The following RASGRP1 variants were observed in gnomAD, a reference collection of about 807,000 sequenced individuals.
RASGRP1 encodes RAS guanyl-releasing protein 1.
A neutral mutation model predicts 95.1 loss-of-function variants in RASGRP1; 37 were observed. The observed-to-expected ratio is 0.39, with a 90% CI of 0.30 to 0.51. The LOEUF (loss-of-function observed/expected upper bound fraction) is 0.51. Ranked by LOEUF, RASGRP1 falls within the 20% of genes least tolerant of loss-of-function variation. RASGRP1 has a pLI of 0.80. For synonymous variants in RASGRP1, 325 were observed against 353.4 expected (o/e 0.92, Z 0.90); for missense variants, 711 against 965.4 (o/e 0.74, Z 3.49).
chr15:38,511,509 T>C lies in RASGRP1; in HGVS notation c.966+95A>G. 1.6e-5 allele frequency: 15 copies of C among 919,388 alleles called. No individual in the cohort carries two copies. In the South Asian group the frequency reaches 1.9e-4, roughly 12 times the overall value. The allele number at this position is 919,388 out of a possible 1,614,324, so 57.0% of individuals were successfully genotyped here. On this transcript the variant is annotated intron_variant, in intron 8 of 16. Coordinates refer to ENST00000310803, the MANE Select transcript of RASGRP1 (RefSeq NM_005739.4). ...GCCTGGTTGACAAGGGATGGTGTGG[T>C]TGGAAATGCTCTCTGGGCTGCCCAC...
chr15:38,522,238 T>C (rs1189148811), intron 3 of RASGRP1, among the ~76,000 whole-genome samples: 2 of 152,184 alleles, frequency 1.3e-5, no homozygotes, highest in African/African-American at 2.4e-5. Context: ...CAAAAATATA[T>C]CTTTCTTAAT....
At chr15:38,525,203 A>T (rs1892168984) in intron 3 of RASGRP1, among the ~76,000 whole-genome samples, 1 of 152,022 alleles carries the variant, frequency 6.6e-6, no homozygotes, top group Non-Finnish European at 1.5e-5. Context: ...CCTGACCTTA[A>T]GTGATCTGCC....
chr15:38,539,548 GT>G (rs5812044), intron 2 of RASGRP1, among the ~76,000 whole-genome samples: 92,975 of 148,428 alleles, frequency 0.63, 29,124 homozygotes, highest in East Asian at 0.77. Flanking sequence ...CTGCATTGCC[GT>G]TTTTTTTTTT....
chr15:38,489,079 A>G lies in RASGRP1; in HGVS notation c.*1475T>C, dbSNP rs1401701605. On this transcript the variant is annotated 3_prime_UTR_variant, in exon 17 of 17. Coordinates refer to ENST00000310803, the MANE Select transcript of RASGRP1 (RefSeq NM_005739.4). Reference sequence around the variant, plus strand: ...CCTCCAGGTAAGCAATACTGTATGTATACTTTGTATTCTTATGAAGACTTG... The same window carrying G: ...CCTCCAGGTAAGCAATACTGTATGTGTACTTTGTATTCTTATGAAGACTTG... The G allele has an allele frequency of 6.6e-6, 1 of 152,002 alleles. No homozygotes were observed. Among genetic ancestry groups the G allele is most frequent in the African/African-American group, 2.4e-5 (1 of 41,446 alleles). The allele number at this position is 152,002 out of a possible 1,614,324, so 9.4% of individuals were successfully genotyped here.
In RASGRP1 at chr15:38,494,568, C is replaced by A; in HGVS notation, c.2073G>T (p.Val691=). ...GGGCTGTCTTCCTTGGGGAAGACAG[C>A]ACAAAGGGACCTGAAGGGCCCTCAC... ...IGSEGPSGPF[V]LSSPRKTAQD... is the part of the protein sequence containing the mutation. Residue 691 remains valine, a synonymous_variant, in exon 16 of 17, where the codon GTG becomes GTT. Transcript: ENST00000310803. 1 of 1,570,016 alleles carries A rather than the reference C, an allele frequency of 6.4e-7. No homozygotes were observed. Among genetic ancestry groups the A allele is most frequent in the Admixed American group, 1.9e-5 (1 of 51,554 alleles).
intron 8 of RASGRP1, among the ~76,000 whole-genome samples, chr15:38,510,487 A>T (rs975117550): frequency 6.6e-6 from 1 of 152,214 alleles, no homozygotes; most frequent in Non-Finnish European, 1.5e-5. Context: ...GGAAAAACAG[A>T]TGGGGTAATG....
chr15:38,519,754 G>GA (rs988475841), intron 3 of RASGRP1, among the ~76,000 whole-genome samples: 8 of 150,736 alleles, frequency 5.3e-5, no homozygotes, highest in Non-Finnish European at 8.9e-5. Flanking sequence ...AAATGAAGCA[G>GA]AAAAAAAAGA....
intron 1 of RASGRP1, among the ~76,000 whole-genome samples, chr15:38,560,745 C>T (rs1218461139): frequency 2.0e-5 from 3 of 152,154 alleles, no homozygotes; most frequent in Non-Finnish European, 4.4e-5. Context: ...TACTAAACAT[C>T]GTTTTTTCAA....
rs912180943 is a variant in RASGRP1, at chr15:38,550,392, T to A, written c.220+9429A>T. On this transcript the variant is annotated intron_variant, in intron 2 of 16. Transcript: ENST00000310803. ...AAAAAAAAGTTCACATCAAGAATTT[T>A]TAATGGAAGTTTTGTGTTTCCTTCA... Among the ~76,000 whole-genome samples the A allele has an allele frequency of 5.9e-5, 9 of 152,304 alleles. No individual in the cohort carries two copies. In the South Asian group the frequency reaches 1.9e-3, roughly 32 times the overall value.
At chr15:38,552,140 T>C (rs1230663303) in intron 2 of RASGRP1, among the ~76,000 whole-genome samples, 2 of 152,246 alleles carry the variant, frequency 1.3e-5, no homozygotes, top group Non-Finnish European at 2.9e-5. Context: ...TCTCTCATGC[T>C]GTTTTCATGT....
chr15:38,495,934 G>T (rs1890777700), intron 15 of RASGRP1, among the ~76,000 whole-genome samples: 1 of 152,024 alleles, frequency 6.6e-6, no homozygotes, highest in Admixed American at 6.6e-5. Flanking sequence ...AGACATACAG[G>T]GAGCTTGGGA....
rs765359624 is a variant in RASGRP1 at position 38,564,623 on chromosome 15, G to A, written c.6C>T (p.Gly2=). The A allele has an allele frequency of 1.8e-5, 25 of 1,352,906 alleles. No homozygotes were observed. Among genetic ancestry groups the A allele is most frequent in the Admixed American group, 2.8e-5 (1 of 35,216 alleles). 83.8% of individuals were successfully genotyped at this position (1,352,906 alleles called of 1,614,324 possible). A position where few individuals can be genotyped will look rare whatever the true frequency, so the allele number is the denominator to read the frequency against. The change falls in exon 1 of 17, where the codon GGC becomes GGT. Residue 2 remains glycine (G), a synonymous_variant. Coordinates refer to ENST00000310803, the MANE Select transcript of RASGRP1 (RefSeq NM_005739.4). The part of the protein sequence containing the change: M[G]TLGKAREAPR... ...GAGCCTCTCTCGCCTTGCCCAGGGT[G>A]CCCATGGCCGCGGCCCGCGCTCCCG... is the stretch of plus-strand genomic sequence containing the variant.
At chr15:38,504,498 A>G (rs370868038) in intron 10 of RASGRP1, 7 of 152,142 alleles carry the variant, frequency 4.6e-5, no homozygotes, top group Non-Finnish European at 7.4e-5. Flanking sequence ...GCCTATGTCT[A>G]TATAGAGTCA....
chr15:38,494,265 T>G (rs979737726), intron 16 of RASGRP1, 117 bp downstream of exon 16: 25 of 1,344,806 alleles, frequency 1.9e-5, no homozygotes, highest in Non-Finnish European at 2.2e-5. Flanking sequence ...TCCTCCTTTT[T>G]TGTTTTAGAC....
chr15:38,528,517 A>T (rs1187419161), intron 2 of RASGRP1, among the ~76,000 whole-genome samples: 1 of 151,898 alleles, frequency 6.6e-6, no homozygotes, highest in Non-Finnish European at 1.5e-5. Flanking sequence ...CAAGTTGATG[A>T]CTCTCTTTCC....
In RASGRP1 at chr15:38,492,922, C is replaced by T. The variant is rs138942660; in HGVS notation, c.2259+1460G>A. ...TTGAGTTGGAGTCTCACTCAGTCGC[C>T]CAGGCTGGAGTGCAGTGGTGCCATT... is the stretch of plus-strand genomic sequence containing the variant. On this transcript the variant is annotated intron_variant, in intron 16 of 16. Coordinates refer to ENST00000310803, the MANE Select transcript of RASGRP1 (RefSeq NM_005739.4). Among the ~76,000 whole-genome samples, 33 of 151,784 alleles carry T rather than the reference C, an allele frequency of 2.2e-4. 1 individual carries two copies. In the East Asian group the frequency reaches 5.8e-3, roughly 27 times the overall value.
Position 38,512,930 on chromosome 15 carries a change from T to C in RASGRP1, c.702A>G (p.Val234=), listed in dbSNP as rs775280510. ...TGGGGTTTTCCTTCACACAGCTATT[T>C]ACAAGGTAATTCTGATAATCAGAGA... The part of the protein sequence containing the change: ...ISFSDYQNYL[V]NSCVKENPTM... Residue 234 remains valine (V), a synonymous_variant, in exon 7 of 17, where the codon GTA becomes GTG. Transcript: ENST00000310803. 10 of 1,577,966 alleles carry C rather than the reference T, an allele frequency of 6.3e-6. No individual in the cohort carries two copies. The highest frequency in any genetic ancestry group is 2.4e-5 in the South Asian group (2 of 84,772).
Position 38,501,236 on chromosome 15 carries a change from G to GC in RASGRP1, c.1589dup (p.Ser530ArgfsTer27). The GC allele has an allele frequency of 6.2e-7, 1 of 1,613,224 alleles. No individual in the cohort carries two copies. The highest frequency in any genetic ancestry group is 8.5e-7 in the Non-Finnish European group (1 of 1,179,366). On this transcript the variant is annotated frameshift_variant, in exon 13 of 17. Transcript: ENST00000310803. LOFTEE classifies it high-confidence loss of function. ...CCAGGCCCAGCTTGGAATAGATTGAGCTGGCTCTCATGAAGTAGGCTGTGA... is the reference window on the plus strand; with the variant it reads ...CCAGGCCCAGCTTGGAATAGATTGAGCCTGGCTCTCATGAAGTAGGCTGTGA...
Position 38,500,070 on chromosome 15 carries a change from C to T in RASGRP1, c.1720+33G>A, listed in dbSNP as rs762585283. The T allele has an allele frequency of 1.1e-5, 17 of 1,606,322 alleles. No homozygotes were observed. The South Asian group carries it at 1.3e-4, about 12-fold the overall frequency. ...ATAGCAGCGTGAGAATGGACTGATA[C>T]ACCAGGAATATGTCAACAATATTGA... On this transcript the variant is annotated intron_variant, in intron 14 of 16. Coordinates refer to ENST00000310803, the MANE Select transcript of RASGRP1 (RefSeq NM_005739.4).
Sources: allele counts gnomAD v4.1 joint callset (sites outside exome capture counted in the v4.1 genomes callset), GRCh38; gene constraint gnomAD v4.1.1; transcripts MANE v1.5; gene names NCBI Gene and HGNC (gene_info 2026-07-23, HGNC 2026-07-21).